GAB4: variants seen among roughly 807,000 people sequenced by gnomAD.
The protein encoded by GAB4 is GRB2 associated binding protein family member 4, also known as GRB2-associated-binding protein 4.
GAB4 carries 26 observed loss-of-function variants against 51.3 expected under a neutral mutation model. The ratio of observed to expected loss-of-function variants is 0.51; its 90% CI spans 0.37 to 0.70. The LOEUF (loss-of-function observed/expected upper bound fraction) is 0.70. Ranked by LOEUF, GAB4 falls within the 30% of genes least tolerant of loss-of-function variation. GAB4 has a pLI of 0.00. For synonymous variants in GAB4, 329 were observed against 291.2 expected (o/e 1.13, Z -1.32); for missense variants, 759 against 734.6 (o/e 1.03, Z -0.38).
intron 4 of GAB4, chr22:16,969,695 A>T: frequency 1.5e-6 from 1 of 650,674 alleles, no homozygotes. Context: ...TGCTACTTTC[A>T]CTGACTAAAG....
Position 17,008,142 on chromosome 22 carries a change from G to A in GAB4, c.-28C>T. The A allele has an allele frequency of 1.3e-6, 2 of 1,544,452 alleles. No individual in the cohort carries two copies. Among genetic ancestry groups the A allele is most frequent in the African/African-American group, 2.7e-5 (2 of 73,814 alleles). On this transcript the variant is annotated 5_prime_UTR_variant, in exon 1 of 10. Transcript: ENST00000400588. ...GGGCTGCAGCTCACAGTGAAGGTGG[G>A]GGAGACAGGGCGAGAGGGCGTTGCT...
intron 5 of GAB4, among the ~76,000 whole-genome samples, chr22:16,967,771 A>G (rs1026220250): frequency 1.2e-4 from 19 of 152,100 alleles, no homozygotes; most frequent in Non-Finnish European, 1.0e-4. Context: ...CTTGTCTGAC[A>G]CCTTGGAGAA....
chr22:16,985,114 C>T (rs2060857093), intron 3 of GAB4, among the ~76,000 whole-genome samples: 1 of 152,202 alleles, frequency 6.6e-6, no homozygotes. Context: ...TGATATCCTG[C>T]AGTGGGTCTG....
rs1429123981 is a variant in GAB4, at chr22:16,963,742, C to A, written c.1564G>T (p.Asp522Tyr). 4 of 1,613,496 alleles carry A rather than the reference C, an allele frequency of 2.5e-6. No homozygotes were observed. Among genetic ancestry groups the A allele is most frequent in the Non-Finnish European group, 3.4e-6 (4 of 1,179,840 alleles). ...STGNIHYAAL[D>Y]FQPSKPSIGS... ...CCAGGCACCTTGCTCGGCTGGAAGT[C>A]CAGGGCCGCGTAGTGGATGTTACCA... The change falls in exon 9 of 10, where the codon GAC becomes TAC. Residue 522 changes from aspartate to tyrosine, a missense_variant. Asp to Tyr is a radical substitution (Grantham distance 160, BLOSUM62 -3). This residue lies in a region of GAB4 where 588 missense variants were observed against 510.2 expected (regional missense o/e 1.15). Transcript: ENST00000400588.
At chr22:17,005,112 A>G (rs546835225) in intron 1 of GAB4, among the ~76,000 whole-genome samples, 1 of 152,380 alleles carries the variant, frequency 6.6e-6, no homozygotes, top group Non-Finnish European at 1.5e-5. Flanking sequence ...CCATCATCTC[A>G]GCCCAAAAAC....
rs576617825 is a variant in GAB4, at chr22:16,990,910, C to T, written c.478+963G>A. Among the ~76,000 whole-genome samples, 14 of 152,134 alleles carry T rather than the reference C, an allele frequency of 9.2e-5. No homozygotes were observed. The East Asian group carries it at 2.1e-3, about 23-fold the overall frequency. ...AATGAATTACTTACTGACATTCTCACGAGAATGTGCAGGTCTAACAAGTTC... is the reference window on the plus strand; with the variant it reads ...AATGAATTACTTACTGACATTCTCATGAGAATGTGCAGGTCTAACAAGTTC... On this transcript the variant is annotated intron_variant, in intron 2 of 9. Transcript: ENST00000400588.
At chr22:16,975,515 G>C (rs1032516142) in intron 3 of GAB4, among the ~76,000 whole-genome samples, 6 of 152,214 alleles carry the variant, frequency 3.9e-5, no homozygotes, top group African/African-American at 1.4e-4. Flanking sequence ...CCGAGTCAGG[G>C]GTTTATAGAT....
chr22:16,972,132 C>T (rs1307203051), intron 3 of GAB4, among the ~76,000 whole-genome samples: 1 of 152,236 alleles, frequency 6.6e-6, no homozygotes, highest in African/African-American at 2.4e-5. Flanking sequence ...TGCTCACGCC[C>T]CACTTTCCAT....
At chr22:16,969,627 C>A (rs1046151255) in intron 4 of GAB4, 3 of 628,602 alleles carry the variant, frequency 4.8e-6, no homozygotes, top group African/African-American at 3.6e-5. Flanking sequence ...GTGACATCGG[C>A]TGTTGTCTAC....
chr22:16,969,096 T>C lies in GAB4; in HGVS notation c.938-713A>G, dbSNP rs141673591. ...TTTTCATTGAGGAGAGGAGGTTATA[T>C]GCAGATATAAAATACTCTCAGTGGA... is the stretch of plus-strand genomic sequence containing the variant. On this transcript the variant is annotated intron_variant, in intron 4 of 9. Transcript: ENST00000400588. 4.3e-4 allele frequency among the ~76,000 whole-genome samples: 66 copies of C among 152,370 alleles called. No individual in the cohort carries two copies. The East Asian group carries it at 0.012, about 28-fold the overall frequency.
Position 16,965,286 on chromosome 22 carries a change from C to A in GAB4, c.1289-18G>T. 1 of 1,603,868 alleles carries A rather than the reference C, an allele frequency of 6.2e-7. No individual in the cohort carries two copies. Among genetic ancestry groups the A allele is most frequent in the Non-Finnish European group, 8.5e-7 (1 of 1,171,120 alleles). On this transcript the variant is annotated intron_variant, in intron 6 of 9. Coordinates refer to ENST00000400588, the MANE Select transcript of GAB4 (RefSeq NM_001037814.1). The stretch of plus-strand genomic sequence containing the variant: ...TGGGTTGGCTGGAGCAGGAAAAGAA[C>A]CTTGTCATCAGCCAGTGATGACACC...
At chr22:16,989,101 C>T (rs2060892573) in intron 2 of GAB4, among the ~76,000 whole-genome samples, 1 of 152,166 alleles carries the variant, frequency 6.6e-6, no homozygotes, top group African/African-American at 2.4e-5. Flanking sequence ...CTCCACAGCC[C>T]AAGCATTTAC....
Position 16,992,094 on chromosome 22 carries a change from C to CCAT in GAB4, c.254_256dup (p.Asp85dup), listed in dbSNP as rs1172627806. ...GATGGTGCGCAGGGGCTTCTTGGAG[C>CCAT]CATCATTCTTGTAGTATTCCAGAAC... On this transcript the variant is annotated inframe_insertion, in exon 2 of 10. Coordinates refer to ENST00000400588, the MANE Select transcript of GAB4 (RefSeq NM_001037814.1). The CCAT allele has an allele frequency of 1.2e-6, 2 of 1,614,060 alleles. No individual in the cohort carries two copies. The highest frequency in any genetic ancestry group is 2.7e-5 in the African/African-American group (2 of 74,914).
chr22:16,972,121 T>C (rs2060736903), intron 3 of GAB4, among the ~76,000 whole-genome samples: 1 of 152,210 alleles, frequency 6.6e-6, no homozygotes, highest in Non-Finnish European at 1.5e-5. Context: ...CCTGTGATGT[T>C]TGCTCACGCC....
At position 16,965,183 on chromosome 22, in the gene GAB4, C is replaced by T; in HGVS notation, c.1374G>A (p.Gly458=). The T allele has an allele frequency of 6.2e-7, 1 of 1,612,006 alleles. No homozygotes were observed. ...TTCCACTGACAGACACTCACCTGGT[C>T]CCAGACCAGGGCTCTGTGACAGGTG... ...FKPPVTEPWS[G]TSHTFDSSSS... Residue 458 remains glycine, a synonymous_variant, in exon 7 of 10, where the codon GGG becomes GGA. Transcript: ENST00000400588.
chr22:16,969,948 T>A lies in GAB4; in HGVS notation c.932A>T (p.Asn311Ile), dbSNP rs762452630. 1.2e-6 allele frequency: 2 copies of A among 1,614,026 alleles called. No homozygotes were observed. Among genetic ancestry groups the A allele is most frequent in the Non-Finnish European group, 1.7e-6 (2 of 1,180,036 alleles). The stretch of plus-strand genomic sequence containing the variant: ...TGCCTTGAAGGGGTACACACCCTCA[T>A]TATCCGCCTCAGAGCCTGTGAGGCT... ...RGSLTGSEAD[N>I]EASSGKYTQH... The change falls in exon 4 of 10, where the codon AAT becomes ATT. Residue 311 changes from asparagine (N) to isoleucine (I), a missense_variant. Around this residue, in one of 3 missense-constraint regions of GAB4, gnomAD observed 588 missense variants for 510.2 expected, o/e 1.15. Transcript: ENST00000400588.
At chr22:16,981,658 C>T (rs2060828400) in intron 3 of GAB4, among the ~76,000 whole-genome samples, 2 of 152,244 alleles carry the variant, frequency 1.3e-5, no homozygotes, top group Admixed American at 6.5e-5. Flanking sequence ...ACCCAAGACC[C>T]GATGGCTTCC....
chr22:16,969,660 G>A (rs766518567), intron 4 of GAB4: 6 of 647,726 alleles, frequency 9.3e-6, no homozygotes, highest in African/African-American at 9.0e-5. Context: ...ATTCCGCCTG[G>A]GGATGGCAGC....
At chr22:16,979,669 A>G (rs1470034362) in intron 3 of GAB4, among the ~76,000 whole-genome samples, 3 of 152,242 alleles carry the variant, frequency 2.0e-5, no homozygotes, top group Non-Finnish European at 4.4e-5. Context: ...ATCTACTTTA[A>G]ATTTCATAAG....
Sources: gnomAD v4.1 joint callset for allele counts (sites outside exome capture counted in the v4.1 genomes callset) on GRCh38, gnomAD v4.1.1 for gene constraint, gnomAD v4.1.1 regional missense constraint, MANE v1.5 for transcripts, NCBI Gene and HGNC (gene_info 2026-07-23, HGNC 2026-07-21) for gene names.